Variants in HEATR3 observed in about 807,000 individuals in gnomAD.
HEATR3 encodes HEAT repeat-containing protein 3.
In HEATR3, 56 loss-of-function variants were observed where a neutral mutation model predicts 72.8. That is an observed-to-expected ratio of 0.77 (90% CI 0.62 to 0.96). The LOEUF is 0.96. HEATR3 is among the 40% of genes least tolerant of loss of function. The pLI, the probability that HEATR3 is intolerant of heterozygous loss-of-function variation, is 0.00. For synonymous variants in HEATR3, 331 were observed against 318.1 expected (o/e 1.04, Z -0.43); for missense variants, 747 against 831.4 (o/e 0.90, Z 1.25).
chr16:50,072,559 T>C, intron 4 of HEATR3, 46 bp from the exon 5 acceptor site: 3 of 1,199,976 alleles, frequency 2.5e-6, no homozygotes, highest in Non-Finnish European at 3.7e-6. Flanking sequence ...GATTTCCTAC[T>C]GTTAAAATGT....
rs2150635402 is a variant in HEATR3, at chr16:50,106,383, G to A, written c.*1322G>A. 6.6e-6 allele frequency: 1 copy of A among 152,180 alleles called. No homozygotes were observed. The highest frequency in any genetic ancestry group is 1.9e-4 in the East Asian group (1 of 5,184). The allele number at this position is 152,180 out of a possible 1,614,324, so 9.4% of individuals were successfully genotyped here. A position where few individuals can be genotyped will look rare whatever the true frequency, so the allele number is the denominator to read the frequency against. ...ATTTTTAAATAAACAACTTTTTAATGGAAAGTTTTGTGTCTTACAAAATCT... is the reference window on the plus strand; with the variant it reads ...ATTTTTAAATAAACAACTTTTTAATAGAAAGTTTTGTGTCTTACAAAATCT... On this transcript the variant is annotated 3_prime_UTR_variant, in exon 15 of 15. Transcript: ENST00000299192.
chr16:50,084,347 T>C, intron 9 of HEATR3, 56 bp downstream of exon 9: 1 of 1,561,124 alleles, frequency 6.4e-7, no homozygotes, highest in African/African-American at 1.4e-5. Flanking sequence ...TTAAGCAAGG[T>C]ATTCATTTTG....
Position 50,105,739 on chromosome 16 carries a change from GT to G in HEATR3, c.*689del, listed in dbSNP as rs899045053. On this transcript the variant is annotated 3_prime_UTR_variant, in exon 15 of 15. Coordinates refer to ENST00000299192, the MANE Select transcript of HEATR3 (RefSeq NM_182922.4). ...GTTTTTGTTTTTGGTTTTTTGGTTT[GT>G]TTTTTTTTTTCAGTAGAGACGGGTT... 2.2e-4 allele frequency: 31 copies of G among 142,728 alleles called. No individual in the cohort carries two copies. Among genetic ancestry groups the G allele is most frequent in the East Asian group, 1.8e-3 (9 of 4,940 alleles). The allele number at this position is 142,728 out of a possible 1,614,324, so 8.8% of individuals were successfully genotyped here.
intron 7 of HEATR3, among the ~76,000 whole-genome samples, chr16:50,083,284 TTTATA>T (rs1291328700): frequency 1.3e-4 from 20 of 152,236 alleles, no homozygotes; most frequent in African/African-American, 4.3e-4. Flanking sequence ...GTTATATAAA[TTTATA>T]TTACCCATTT....
rs2036639440 is a variant in HEATR3, at chr16:50,072,702, G to A, written c.610G>A (p.Ala204Thr). The change falls in exon 5 of 15, where the codon GCT becomes ACT. Residue 204 changes from alanine (A) to threonine (T), a missense_variant. Ala to Thr is a moderately conservative substitution (Grantham distance 58). Around this residue, in one of 2 missense-constraint regions of HEATR3, gnomAD observed 586 missense variants for 708.8 expected, o/e 0.83. Transcript: ENST00000299192. ...LSRFPTNVDL[A>T]ISVAYCLQTV... Reference sequence around the variant, plus strand: ...TAGGTTTCCTACCAATGTTGACCTGGCTATTTCAGTAGGTAAGTGAAGAAA... The same window carrying A: ...TAGGTTTCCTACCAATGTTGACCTGACTATTTCAGTAGGTAAGTGAAGAAA... 4 of 1,575,284 alleles carry A rather than the reference G, an allele frequency of 2.5e-6. 1 individual carries two copies. Among genetic ancestry groups the A allele is most frequent in the South Asian group, 2.2e-5 (2 of 90,188 alleles).
chr16:50,069,000 A>T (rs968968162), intron 3 of HEATR3, 133 bp downstream of exon 3: 1 of 648,068 alleles, frequency 1.5e-6, no homozygotes, highest in African/African-American at 1.8e-5. Context: ...TCCTGGAAAC[A>T]CCAATCTGCT....
chr16:50,097,787 C>T (rs147235221), intron 12 of HEATR3, among the ~76,000 whole-genome samples: 16 of 152,022 alleles, frequency 1.1e-4, no homozygotes, highest in Admixed American at 2.6e-4. Flanking sequence ...TGGTGGCACG[C>T]GCCTGTAATC....
chr16:50,077,317 A>AT (rs1289173379), intron 6 of HEATR3, among the ~76,000 whole-genome samples: 1 of 55,764 alleles, frequency 1.8e-5, no homozygotes, highest in African/African-American at 5.5e-5. Flanking sequence ...GCCACAGTTA[A>AT]TTTTTTGTAT....
intron 10 of HEATR3, among the ~76,000 whole-genome samples, chr16:50,084,943 A>G (rs1029907213): frequency 1.3e-5 from 2 of 152,312 alleles, no homozygotes; most frequent in Middle Eastern, 6.8e-3. Flanking sequence ...AGTAAAAGGG[A>G]TCTGAATTAG....
chr16:50,067,668 G>C (rs1049110942), intron 2 of HEATR3, among the ~76,000 whole-genome samples: 1 of 152,188 alleles, frequency 6.6e-6, no homozygotes, highest in Non-Finnish European at 1.5e-5. Flanking sequence ...AGACCACTCT[G>C]CTGGTTGTGC....
At chr16:50,093,879 C>T (rs72796165) in intron 11 of HEATR3, among the ~76,000 whole-genome samples, 18,118 of 152,182 alleles carry the variant, frequency 0.12, 1,110 homozygotes, top group African/African-American at 0.15. Context: ...TGACCTAGCC[C>T]GTCACTTTGT....
In HEATR3 at chr16:50,076,525, A is replaced by G. The variant is rs965106009; in HGVS notation, c.763+814A>G. The stretch of plus-strand genomic sequence containing the variant: ...TTAATAGTGGAAAAATACACATGAA[A>G]TTTACCGTCTTAATCGTTTTGGGTT... On this transcript the variant is annotated intron_variant, in intron 6 of 14. Coordinates refer to ENST00000299192, the MANE Select transcript of HEATR3 (RefSeq NM_182922.4). Among the ~76,000 whole-genome samples the G allele has an allele frequency of 3.3e-5, 5 of 150,998 alleles. 1 individual carries two copies. The highest frequency in any genetic ancestry group is 3.0e-5 in the Non-Finnish European group (2 of 67,758).
intron 5 of HEATR3, chr16:50,074,142 T>C (rs1426933651): frequency 1.3e-5 from 2 of 152,226 alleles, no homozygotes; most frequent in African/African-American, 4.8e-5. Flanking sequence ...GTAATTTTGA[T>C]GGGCATGATT....
intron 4 of HEATR3, among the ~76,000 whole-genome samples, chr16:50,071,954 A>T (rs1344542073): frequency 6.6e-6 from 1 of 152,200 alleles, no homozygotes; most frequent in Admixed American, 6.5e-5. Flanking sequence ...AAAAATACTT[A>T]TTGTAATTTC....
At chr16:50,104,697 T>C (rs1000948907) in intron 14 of HEATR3, among the ~76,000 whole-genome samples, 2 of 152,224 alleles carry the variant, frequency 1.3e-5, no homozygotes, top group African/African-American at 4.8e-5. Context: ...TTCTATAGTT[T>C]ATATAACTCC....
At chr16:50,089,374 C>T (rs541961191) in intron 11 of HEATR3, among the ~76,000 whole-genome samples, 3 of 131,568 alleles carry the variant, frequency 2.3e-5, no homozygotes, top group Non-Finnish European at 4.9e-5. Context: ...GACATGTGCT[C>T]AGTTACTTCC....
chr16:50,097,851 G>T (rs1271848747), intron 12 of HEATR3, among the ~76,000 whole-genome samples: 2 of 150,950 alleles, frequency 1.3e-5, no homozygotes, highest in Admixed American at 6.6e-5. Context: ...GGAGGTGGAG[G>T]TTGCAGTGAG....
At chr16:50,092,118 C>G (rs1273421160) in intron 11 of HEATR3, among the ~76,000 whole-genome samples, 2 of 151,982 alleles carry the variant, frequency 1.3e-5, no homozygotes, top group East Asian at 1.9e-4. Context: ...GGGTGGATTG[C>G]TTGAGCTCAA....
chr16:50,072,406 A>G (rs2036631938), intron 4 of HEATR3, among the ~76,000 whole-genome samples, 199 bp from the exon 5 acceptor site: 1 of 152,256 alleles, frequency 6.6e-6, no homozygotes, highest in African/African-American at 2.4e-5. Context: ...CCATTGTGAT[A>G]GAAATAAAAT....
Sources: allele counts gnomAD v4.1 joint callset (sites outside exome capture counted in the v4.1 genomes callset), GRCh38; gene constraint gnomAD v4.1.1; regional missense constraint gnomAD v4.1.1; transcripts MANE v1.5; gene names NCBI Gene and HGNC (gene_info 2026-07-23, HGNC 2026-07-21).